The following DPYD variants were observed in gnomAD, a reference collection of about 807,000 sequenced individuals.
The protein encoded by DPYD is dihydropyrimidine dehydrogenase, also known as dihydropyrimidine dehydrogenase [NADP(+)].
In DPYD, 109 loss-of-function variants were observed where a neutral mutation model predicts 116.2. That is an observed-to-expected ratio of 0.94 (90% CI 0.80 to 1.10). The LOEUF is 1.10. DPYD is among the 50% of genes least tolerant of loss of function. DPYD has a pLI of 0.00. For missense variants in DPYD, 1,302 were observed against 1,254.5 expected (o/e 1.04, Z -0.57); for synonymous variants, 440 against 432.0 (o/e 1.02, Z -0.23).
chr1:97,633,755 A>C (rs1490139858), intron 8 of DPYD, among the ~76,000 whole-genome samples: 2 of 152,130 alleles, frequency 1.3e-5, no homozygotes, highest in African/African-American at 4.8e-5. Context: ...AGGGGCTTAT[A>C]TGCCTTTTAA....
intron 1 of DPYD, among the ~76,000 whole-genome samples, chr1:97,912,713 C>T (rs80262357): frequency 2.2e-3 from 334 of 152,190 alleles, no homozygotes; most frequent in Non-Finnish European, 3.4e-3. Context: ...TAAGGTTACA[C>T]TAAAAGTTAA....
chr1:97,553,488 T>C (rs1381220814), intron 11 of DPYD, among the ~76,000 whole-genome samples: 1 of 152,028 alleles, frequency 6.6e-6, no homozygotes, highest in African/African-American at 2.4e-5. Context: ...TAGATTTAAC[T>C]TGGAATACAA....
chr1:97,743,364 C>T (rs1664371526), intron 3 of DPYD, among the ~76,000 whole-genome samples: 2 of 152,068 alleles, frequency 1.3e-5, no homozygotes, highest in African/African-American at 4.8e-5. Flanking sequence ...CCATTAATCC[C>T]ACTTATCACT....
intron 18 of DPYD, among the ~76,000 whole-genome samples, chr1:97,260,668 A>G (rs182465125): frequency 6.6e-6 from 1 of 152,162 alleles, no homozygotes; most frequent in African/African-American, 2.4e-5. Context: ...CAAACAAAAA[A>G]CACTCAAATA....
At chr1:97,097,479 C>T (rs1650349278) in intron 21 of DPYD, among the ~76,000 whole-genome samples, 1 of 152,134 alleles carries the variant, frequency 6.6e-6, no homozygotes, top group Non-Finnish European at 1.5e-5. Flanking sequence ...AGAGTGTCAT[C>T]AAACACAGAA....
chr1:97,291,981 T>C (rs72726678), intron 18 of DPYD, among the ~76,000 whole-genome samples: 36,786 of 152,128 alleles, frequency 0.24, 5,473 homozygotes, highest in Admixed American at 0.39. Context: ...TTTTAAATTT[T>C]TTTTACACAA....
chr1:97,335,264 G>A (rs552828000), intron 16 of DPYD, among the ~76,000 whole-genome samples: 301 of 148,172 alleles, frequency 2.0e-3, no homozygotes, highest in Non-Finnish European at 2.8e-3. Flanking sequence ...TGTTCTTCAC[G>A]CTGGCTATGC....
chr1:97,100,559 T>C (rs1265907845), intron 20 of DPYD, among the ~76,000 whole-genome samples: 1 of 152,044 alleles, frequency 6.6e-6, no homozygotes, highest in Non-Finnish European at 1.5e-5. Flanking sequence ...CTGTTGGGGT[T>C]TACATGGTTC....
chr1:97,170,078 G>A (rs991807936), intron 20 of DPYD, among the ~76,000 whole-genome samples: 18 of 152,154 alleles, frequency 1.2e-4, no homozygotes, highest in Admixed American at 6.6e-5. Context: ...CATACATACA[G>A]AAAATATATT....
chr1:97,221,869 A>C (rs1660803610), intron 19 of DPYD, among the ~76,000 whole-genome samples: 2 of 152,048 alleles, frequency 1.3e-5, no homozygotes, highest in African/African-American at 4.8e-5. Flanking sequence ...TTAGCTTTTT[A>C]AAATGGGAAT....
chr1:97,546,656 AGGAGCAGACATT>A, intron 12 of DPYD: 1 of 1,612,908 alleles, frequency 6.2e-7, no homozygotes, highest in Non-Finnish European at 8.5e-7. Context: ...GCAGATAGGA[AGGAGCAGACATT>A]AATATCCATG....
At chr1:97,168,052 C>A (rs557843483) in intron 20 of DPYD, among the ~76,000 whole-genome samples, 1 of 152,234 alleles carries the variant, frequency 6.6e-6, no homozygotes, top group South Asian at 2.1e-4. Flanking sequence ...GATGATAAAC[C>A]TAAAGTTTTT....
intron 14 of DPYD, among the ~76,000 whole-genome samples, 188 bp downstream of exon 14, chr1:97,449,871 T>C (rs1676309976): frequency 6.6e-6 from 1 of 152,232 alleles, no homozygotes; most frequent in African/African-American, 2.4e-5. Flanking sequence ...AAGCTTCACA[T>C]TGTGTGGGTT....
intron 13 of DPYD, among the ~76,000 whole-genome samples, chr1:97,507,090 T>C (rs1647394287): frequency 6.6e-6 from 1 of 152,028 alleles, no homozygotes; most frequent in Admixed American, 6.6e-5. Context: ...AGTCTTGAAG[T>C]GAACACTTGG....
chr1:97,100,029 G>A (rs988640756), intron 20 of DPYD, among the ~76,000 whole-genome samples: 2 of 151,976 alleles, frequency 1.3e-5, no homozygotes, highest in Non-Finnish European at 2.9e-5. Context: ...TATACAATGA[G>A]ACTAGAACTG....
chr1:97,210,069 G>T (rs1017169715), intron 19 of DPYD, among the ~76,000 whole-genome samples: 7 of 152,032 alleles, frequency 4.6e-5, no homozygotes, highest in African/African-American at 1.7e-4. Flanking sequence ...TATATTTCAG[G>T]CCAGGAGAAT....
At chr1:97,626,270 C>T (rs962017946) in intron 8 of DPYD, among the ~76,000 whole-genome samples, 1 of 151,906 alleles carries the variant, frequency 6.6e-6, no homozygotes, top group Non-Finnish European at 1.5e-5. Context: ...ATCTAAGTTG[C>T]AACTATTCTG....
intron 18 of DPYD, among the ~76,000 whole-genome samples, chr1:97,283,870 GA>G (rs1383168181): frequency 6.6e-6 from 1 of 152,060 alleles, no homozygotes; most frequent in East Asian, 1.9e-4. Context: ...ATAAGCCTTG[GA>G]ATCAGTCAGA....
At chr1:97,876,710 G>A (rs1253335455) in intron 2 of DPYD, among the ~76,000 whole-genome samples, 1 of 151,942 alleles carries the variant, frequency 6.6e-6, no homozygotes, top group African/African-American at 2.4e-5. Context: ...AAGCCACTGG[G>A]TTTTCATTTC....
Sources: allele counts gnomAD v4.1 joint callset (sites outside exome capture counted in the v4.1 genomes callset), GRCh38; gene constraint gnomAD v4.1.1; transcripts MANE v1.5; gene names NCBI Gene and HGNC (gene_info 2026-07-23, HGNC 2026-07-21).